The following SHANK2 variants were observed in gnomAD, a reference collection of about 807,000 sequenced individuals.
The protein encoded by SHANK2 is SH3 and multiple ankyrin repeat domains 2, also known as SH3 and multiple ankyrin repeat domains protein 2.
In SHANK2, 43 loss-of-function variants were observed where a neutral mutation model predicts 133.7. That is an observed-to-expected ratio of 0.32 (90% CI 0.25 to 0.41). The LOEUF is 0.41. Ranked by LOEUF, SHANK2 falls within the 10% of genes least tolerant of loss-of-function variation. The pLI, the probability that SHANK2 is intolerant of heterozygous loss-of-function variation, is 1.00. For synonymous variants in SHANK2, 1,017 were observed against 952.8 expected (o/e 1.07, Z -1.24); for missense variants, 1,994 against 2,235.8 (o/e 0.89, Z 2.18).
chr11:71,208,136 G>A (rs1202049912), intron 2 of SHANK2, among the ~76,000 whole-genome samples: 1 of 152,144 alleles, frequency 6.6e-6, no homozygotes, highest in Admixed American at 6.5e-5. Context: ...CCCGAGGAGG[G>A]GCACAGAAAG....
intron 13 of SHANK2, among the ~76,000 whole-genome samples, chr11:70,800,208 T>A (rs1329844419): frequency 2.0e-5 from 3 of 152,144 alleles, no homozygotes; most frequent in Non-Finnish European, 4.4e-5. Context: ...TTACTTTTTT[T>A]AGAGACAGGG....
chr11:70,640,927 A>G (rs1555006101), intron 17 of SHANK2, among the ~76,000 whole-genome samples: 1 of 152,238 alleles, frequency 6.6e-6, no homozygotes, highest in Non-Finnish European at 1.5e-5. Context: ...GGGGACTTAG[A>G]GGGATGCAAA....
In SHANK2 at chr11:71,110,127, C is replaced by T. The variant is rs900275376; in HGVS notation, c.484-78G>A. On this transcript the variant is annotated intron_variant, in intron 5 of 25. Coordinates refer to ENST00000601538, the MANE Select transcript of SHANK2 (RefSeq NM_012309.5). Reference sequence around the variant, plus strand: ...TGAGCAACAAAGTGAGACCCCGTCTCTACAAAAAATAGAAAAATTAGCCAG... The same window carrying T: ...TGAGCAACAAAGTGAGACCCCGTCTTTACAAAAAATAGAAAAATTAGCCAG... 7.1e-6 allele frequency: 8 copies of T among 1,121,054 alleles called. No homozygotes were observed. In the East Asian group the frequency reaches 2.1e-4, roughly 29 times the overall value. The allele number at this position is 1,121,054 out of a possible 1,614,324, so 69.4% of individuals were successfully genotyped here. A position where few individuals can be genotyped will look rare whatever the true frequency, so the allele number is the denominator to read the frequency against.
chr11:70,657,763 T>C (rs1297461596), intron 17 of SHANK2, among the ~76,000 whole-genome samples: 1 of 152,230 alleles, frequency 6.6e-6, no homozygotes, highest in Admixed American at 6.5e-5. Flanking sequence ...ATGGCAAATC[T>C]ATTTGCATAC....
chr11:70,732,731 G>A (rs868988146), intron 14 of SHANK2, among the ~76,000 whole-genome samples: 33 of 152,302 alleles, frequency 2.2e-4, no homozygotes, highest in Admixed American at 1.6e-3. Flanking sequence ...GGTCTCTGCT[G>A]ACACATCCCA....
At chr11:70,626,729 T>C (rs550351849) in intron 17 of SHANK2, among the ~76,000 whole-genome samples, 2 of 152,318 alleles carry the variant, frequency 1.3e-5, no homozygotes, top group East Asian at 1.9e-4. Flanking sequence ...CCAATCCTTG[T>C]AGCAGCCCTG....
At chr11:71,137,273 T>G (rs1335067698) in intron 3 of SHANK2, among the ~76,000 whole-genome samples, 2 of 148,498 alleles carry the variant, frequency 1.3e-5, no homozygotes, top group Non-Finnish European at 3.0e-5. Flanking sequence ...AAATCCTTTT[T>G]TAAAATAAGT....
intron 8 of SHANK2, among the ~76,000 whole-genome samples, chr11:71,079,772 AAG>A (rs1339103634): frequency 6.8e-6 from 1 of 148,008 alleles, no homozygotes; most frequent in African/African-American, 2.5e-5. Flanking sequence ...GAGAGAAAGA[AAG>A]AGAGAGTAAG....
At chr11:71,203,893 G>A (rs1565512559) in intron 2 of SHANK2, among the ~76,000 whole-genome samples, 1 of 152,220 alleles carries the variant, frequency 6.6e-6, no homozygotes, top group East Asian at 1.9e-4. Flanking sequence ...GACTCCTTGT[G>A]TGCTGTCACA....
At chr11:70,530,527 C>A (rs1217420722) in intron 17 of SHANK2, among the ~76,000 whole-genome samples, 3 of 152,096 alleles carry the variant, frequency 2.0e-5, no homozygotes, top group East Asian at 3.9e-4. Flanking sequence ...CAGAGCAAGA[C>A]CCTGTCTCAA....
intron 3 of SHANK2, among the ~76,000 whole-genome samples, chr11:71,126,162 G>C (rs1281971261): frequency 7.9e-6 from 1 of 125,882 alleles, no homozygotes; most frequent in Non-Finnish European, 1.6e-5. Context: ...ATGTTGCAGT[G>C]AGCCGAGATC....
At chr11:70,690,386 T>C (rs782810969) in intron 15 of SHANK2, among the ~76,000 whole-genome samples, 1 of 151,496 alleles carries the variant, frequency 6.6e-6, no homozygotes, top group Non-Finnish European at 1.5e-5. Context: ...AAAAAACTCA[T>C]TGGGTTGTGA....
At chr11:70,659,029 C>T (rs1299032323) in intron 17 of SHANK2, among the ~76,000 whole-genome samples, 9 of 152,136 alleles carry the variant, frequency 5.9e-5, no homozygotes, top group Admixed American at 2.0e-4. Context: ...TTTCTTCTTC[C>T]TACTTCCAAA....
intron 8 of SHANK2, among the ~76,000 whole-genome samples, chr11:71,085,797 A>G (rs1951389675): frequency 3.0e-5 from 2 of 67,096 alleles, no homozygotes; most frequent in African/African-American, 6.4e-5. Flanking sequence ...AATATATGAT[A>G]CAACATAATA....
chr11:70,894,681 T>C (rs1371443464), intron 11 of SHANK2, among the ~76,000 whole-genome samples: 2 of 152,110 alleles, frequency 1.3e-5, no homozygotes, highest in African/African-American at 4.8e-5. Flanking sequence ...CCAGTGAGGG[T>C]AGCCCAATGG....
intron 2 of SHANK2, among the ~76,000 whole-genome samples, chr11:71,215,620 G>A (rs142814974): frequency 3.3e-5 from 5 of 152,284 alleles, no homozygotes; most frequent in East Asian, 3.9e-4. Flanking sequence ...CCGAGGAGGT[G>A]TCCCCACATA....
At chr11:71,218,165 G>T (rs1954453581) in intron 2 of SHANK2, among the ~76,000 whole-genome samples, 1 of 151,256 alleles carries the variant, frequency 6.6e-6, no homozygotes, top group Non-Finnish European at 1.5e-5. Flanking sequence ...CGGCCAAGAG[G>T]TATTTTTTTA....
At chr11:71,248,858 C>G (rs782514538) in intron 1 of SHANK2, among the ~76,000 whole-genome samples, 1 of 152,156 alleles carries the variant, frequency 6.6e-6, no homozygotes, top group Non-Finnish European at 1.5e-5. Context: ...GCACTCGATG[C>G]TCACCTCCAT....
intron 17 of SHANK2, among the ~76,000 whole-genome samples, chr11:70,648,012 C>CATTCA (rs1414733118): frequency 3.3e-4 from 50 of 152,302 alleles, no homozygotes; most frequent in Admixed American, 6.5e-4. Flanking sequence ...CCCAAGTGTC[C>CATTCA]CTGAACTAGT....
Sources: allele counts gnomAD v4.1 joint callset (sites outside exome capture counted in the v4.1 genomes callset), GRCh38; gene constraint gnomAD v4.1.1; transcripts MANE v1.5; gene names NCBI Gene and HGNC (gene_info 2026-07-23, HGNC 2026-07-21).